NRXN1: variants seen among roughly 807,000 people sequenced by gnomAD.
NRXN1 encodes the protein neurexin 1.
NRXN1 carries 39 observed loss-of-function variants against 150.9 expected under a neutral mutation model. That is an observed-to-expected ratio of 0.26 (90% CI 0.20 to 0.34). The LOEUF (loss-of-function observed/expected upper bound fraction) is 0.34, where lower values mean the gene tolerates loss of function less well. Among genes scored for constraint, NRXN1 ranks in the 10% least tolerant of loss-of-function variants. The probability of loss-of-function intolerance (pLI) is 1.00; values close to 1 mark genes in which losing one functional copy is unlikely to be tolerated. For missense variants in NRXN1, 1,815 were observed against 1,949.9 expected (o/e 0.93, Z 1.30); for synonymous variants, 924 against 757.0 (o/e 1.22, Z -3.62).
chr2:50,840,853 C>G (rs1242482454), intron 5 of NRXN1, among the ~76,000 whole-genome samples: 1 of 152,114 alleles, frequency 6.6e-6, no homozygotes, highest in Non-Finnish European at 1.5e-5. Flanking sequence ...GTTTGTCAGG[C>G]TGGCCCAAAC....
At chr2:50,976,733 A>G (rs1695904192) in intron 2 of NRXN1, among the ~76,000 whole-genome samples, 1 of 151,992 alleles carries the variant, frequency 6.6e-6, no homozygotes, top group African/African-American at 2.4e-5. Flanking sequence ...AACAGAAGAC[A>G]GAAGTACTCG....
At chr2:50,366,152 CTTTTT>C (rs35589416) in intron 17 of NRXN1, among the ~76,000 whole-genome samples, 1 of 132,500 alleles carries the variant, frequency 7.5e-6, no homozygotes, top group African/African-American at 2.8e-5. Flanking sequence ...CGGCTGGACA[CTTTTT>C]TTTTTTTTTT....
At chr2:50,807,382 A>G (rs1667640823) in intron 5 of NRXN1, among the ~76,000 whole-genome samples, 1 of 152,146 alleles carries the variant, frequency 6.6e-6, no homozygotes. Flanking sequence ...ATGAGCTTCA[A>G]GTGTTCTATC....
At chr2:50,870,856 G>C (rs1214706336) in intron 5 of NRXN1, among the ~76,000 whole-genome samples, 1 of 151,718 alleles carries the variant, frequency 6.6e-6, no homozygotes, top group East Asian at 2.0e-4. Context: ...AGCTCTCTGT[G>C]GTTAGGACCT....
chr2:50,501,277 C>A (rs2091924130), intron 13 of NRXN1, among the ~76,000 whole-genome samples: 1 of 151,956 alleles, frequency 6.6e-6, no homozygotes. Context: ...GGTTAGTGAC[C>A]CACATGGGAT....
At chr2:50,926,026 C>T (rs1686820749) in intron 2 of NRXN1, 71 bp from the exon 3 acceptor site, 4 of 1,233,412 alleles carry the variant, frequency 3.2e-6, no homozygotes, top group East Asian at 5.1e-5. Flanking sequence ...CTGGACCTTG[C>T]CTTTGCATGT....
intron 17 of NRXN1, among the ~76,000 whole-genome samples, chr2:50,439,861 T>C (rs896680564): frequency 6.6e-6 from 1 of 151,776 alleles, no homozygotes; most frequent in African/African-American, 2.4e-5. Context: ...GGTCATTATG[T>C]GCTAGGCCTT....
chr2:50,779,513 A>G (rs1704073450), intron 5 of NRXN1, among the ~76,000 whole-genome samples: 1 of 152,206 alleles, frequency 6.6e-6, no homozygotes, highest in South Asian at 2.1e-4. Flanking sequence ...TCACGCCTGT[A>G]ATCCTAGCAC....
chr2:50,990,350 T>C (rs936068486), intron 2 of NRXN1, among the ~76,000 whole-genome samples: 2 of 152,082 alleles, frequency 1.3e-5, no homozygotes, highest in Non-Finnish European at 2.9e-5. Context: ...CTTCACATTA[T>C]TTTTCCCTTT....
rs530065178 is a variant in NRXN1 at position 50,594,922 on chromosome 2, A to T, written c.1320+25100T>A. Reference sequence around the variant, plus strand: ...AATCCAACTCATTTATTCATTATTCATATTGTGTCTTTTGTCCACGGTACC... The same window carrying T: ...AATCCAACTCATTTATTCATTATTCTTATTGTGTCTTTTGTCCACGGTACC... On this transcript the variant is annotated intron_variant, in intron 8 of 22. Coordinates refer to ENST00000401669, the MANE Select transcript of NRXN1 (RefSeq NM_001330078.2). 9.9e-4 allele frequency among the ~76,000 whole-genome samples: 151 copies of T among 151,924 alleles called. 5 individuals carry two copies. In the South Asian group the frequency reaches 0.03, roughly 30 times the overall value.
chr2:50,593,366 A>G (rs1573698586), intron 8 of NRXN1, among the ~76,000 whole-genome samples: 2 of 152,226 alleles, frequency 1.3e-5, no homozygotes, highest in African/African-American at 2.4e-5. Context: ...GGGAACTAGT[A>G]TGATATACTT....
chr2:50,664,408 T>TGA (rs1687725422), intron 5 of NRXN1, among the ~76,000 whole-genome samples: 1 of 138,470 alleles, frequency 7.2e-6, no homozygotes, highest in Non-Finnish European at 1.5e-5. Context: ...TGTGTGTGTG[T>TGA]GTGTGTGTGT....
In NRXN1 at chr2:50,693,371, G is replaced by A. The variant is rs117034876; in HGVS notation, c.833-69756C>T. On this transcript the variant is annotated intron_variant, in intron 5 of 22. Coordinates refer to ENST00000401669, the MANE Select transcript of NRXN1 (RefSeq NM_001330078.2). ...AAAGGCCAGCTCCACTTGACAGTAAGAGTCGGATGTTAAACAACTTGCCAT... is the reference window on the plus strand; with the variant it reads ...AAAGGCCAGCTCCACTTGACAGTAAAAGTCGGATGTTAAACAACTTGCCAT... 8.5e-4 allele frequency among the ~76,000 whole-genome samples: 129 copies of A among 152,276 alleles called. 1 individual carries two copies. The East Asian group carries it at 0.02, about 23-fold the overall frequency.
At chr2:49,982,968 C>A (rs1184864624) in intron 21 of NRXN1, among the ~76,000 whole-genome samples, 1 of 152,130 alleles carries the variant, frequency 6.6e-6, no homozygotes, top group Non-Finnish European at 1.5e-5. Flanking sequence ...TCTTTACTGG[C>A]ATGAACATGC....
chr2:51,014,231 T>C (rs750241209), intron 2 of NRXN1, among the ~76,000 whole-genome samples: 4 of 151,976 alleles, frequency 2.6e-5, no homozygotes, highest in East Asian at 1.9e-4. Flanking sequence ...GCTGAAGTGA[T>C]AGTGGGTAAA....
At chr2:49,923,514 GTGTT>G (rs1188244459) in intron 22 of NRXN1, among the ~76,000 whole-genome samples, 3 of 152,154 alleles carry the variant, frequency 2.0e-5, no homozygotes, top group Admixed American at 6.5e-5. Flanking sequence ...GTATGAGTGT[GTGTT>G]CATGTATATG....
At chr2:50,940,473 CA>C (rs748999405) in intron 2 of NRXN1, among the ~76,000 whole-genome samples, 984 of 75,036 alleles carry the variant, frequency 0.013, 11 homozygotes, top group African/African-American at 0.04. Context: ...GACTCCATCT[CA>C]AAAAAAAAAA....
chr2:50,107,823 T>G (rs1701886048), intron 18 of NRXN1, among the ~76,000 whole-genome samples: 1 of 151,942 alleles, frequency 6.6e-6, no homozygotes, highest in African/African-American at 2.4e-5. Flanking sequence ...CAATTTAGTC[T>G]TTTAAATATA....
intron 19 of NRXN1, among the ~76,000 whole-genome samples, chr2:50,057,988 T>C (rs1049060054): frequency 3.3e-5 from 5 of 152,090 alleles, no homozygotes; most frequent in African/African-American, 1.2e-4. Context: ...AAAAAAGGTC[T>C]AAACAAGACA....
Sources: allele counts gnomAD v4.1 joint callset (sites outside exome capture counted in the v4.1 genomes callset), GRCh38; gene constraint gnomAD v4.1.1; transcripts MANE v1.5; gene names NCBI Gene and HGNC (gene_info 2026-07-23, HGNC 2026-07-21).